Variants in MYO5B observed in about 807,000 individuals in gnomAD.
MYO5B encodes the protein unconventional myosin-Vb.
MYO5B carries 143 observed loss-of-function variants against 229.3 expected under a neutral mutation model. The observed-to-expected ratio is 0.62, with a 90% confidence interval of 0.54 to 0.72. MYO5B has a LOEUF of 0.72. Among genes scored for constraint, MYO5B ranks in the 30% least tolerant of loss-of-function variants. The probability of loss-of-function intolerance (pLI) is 0.00; values close to 1 mark genes in which losing one functional copy is unlikely to be tolerated. For missense variants in MYO5B, 2,321 were observed against 2,331.0 expected, an observed-to-expected ratio of 1.00 and a Z score of 0.09; for synonymous variants, 918 against 885.2, an observed-to-expected ratio of 1.04 and a Z score of -0.66.
chr18:50,099,878 A>G (rs985804496), intron 1 of MYO5B, among the ~76,000 whole-genome samples: 26 of 152,200 alleles, frequency 1.7e-4, no homozygotes, highest in Non-Finnish European at 2.8e-4. Flanking sequence ...CTAAATATAG[A>G]CTACTATTTA....
chr18:50,051,104 G>A (rs555515819), intron 2 of MYO5B, among the ~76,000 whole-genome samples: 120 of 152,320 alleles, frequency 7.9e-4, no homozygotes, highest in African/African-American at 2.8e-3. Flanking sequence ...CAGCTGGATA[G>A]AAACTGAATA....
At chr18:49,942,380 C>CAAAAA (rs753691754) in intron 14 of MYO5B, among the ~76,000 whole-genome samples, 137 of 32,412 alleles carry the variant, frequency 4.2e-3, no homozygotes, top group African/African-American at 7.1e-3. Context: ...TTCTGCACAG[C>CAAAAA]AAAAAAAAAA....
intron 9 of MYO5B, among the ~76,000 whole-genome samples, chr18:49,980,192 G>C (rs1376868263): frequency 1.3e-5 from 2 of 152,162 alleles, no homozygotes; most frequent in African/African-American, 4.8e-5. Flanking sequence ...CAGGGTACTT[G>C]GGAAATCAAC....
chr18:50,158,067 G>A (rs2032709610), intron 1 of MYO5B, among the ~76,000 whole-genome samples: 1 of 152,154 alleles, frequency 6.6e-6, no homozygotes, highest in Non-Finnish European at 1.5e-5. Context: ...ATCTAAGGTG[G>A]AAGTGGGCAC....
rs558001769 is a variant in MYO5B at position 50,037,609 on chromosome 18, G to A, written c.311-615C>T. Among the ~76,000 whole-genome samples the A allele has an allele frequency of 7.2e-5, 11 of 152,288 alleles. No homozygotes were observed. In the South Asian group the frequency reaches 1.5e-3, roughly 20 times the overall value. ...CCTAAGGAAAAATGATGAATTGTGC[G>A]AGGGAAAATGCCAGGCACGGTGGCT... On this transcript the variant is annotated intron_variant, in intron 3 of 39. Coordinates refer to ENST00000285039, the MANE Select transcript of MYO5B (RefSeq NM_001080467.3).
At chr18:50,186,656 G>A (rs982766647) in intron 1 of MYO5B, among the ~76,000 whole-genome samples, 2 of 152,190 alleles carry the variant, frequency 1.3e-5, no homozygotes, top group African/African-American at 4.8e-5. Context: ...ACCCAGCATG[G>A]TGACTGGAGG....
At chr18:50,113,894 T>C (rs906067275) in intron 1 of MYO5B, among the ~76,000 whole-genome samples, 1 of 152,200 alleles carries the variant, frequency 6.6e-6, no homozygotes, top group South Asian at 2.1e-4. Flanking sequence ...GCTACACCAA[T>C]TGAAAAAGAG....
intron 2 of MYO5B, among the ~76,000 whole-genome samples, chr18:50,051,663 C>G (rs1231029647): frequency 6.6e-6 from 1 of 152,202 alleles, no homozygotes; most frequent in East Asian, 1.9e-4. Flanking sequence ...TTGTACCCAT[C>G]ATGGCTCTGG....
chr18:50,139,415 AC>A (rs1220514358), intron 1 of MYO5B, among the ~76,000 whole-genome samples: 1 of 152,194 alleles, frequency 6.6e-6, no homozygotes, highest in Admixed American at 6.5e-5. Flanking sequence ...TCCCAACTTT[AC>A]TTCTGTTCCA....
At chr18:49,998,019 T>C (rs913604627) in intron 5 of MYO5B, among the ~76,000 whole-genome samples, 3 of 152,162 alleles carry the variant, frequency 2.0e-5, no homozygotes, top group Admixed American at 2.0e-4. Context: ...GGCTTCCTGA[T>C]ACAAGGTCCC....
intron 1 of MYO5B, among the ~76,000 whole-genome samples, chr18:50,112,491 G>A (rs57136853): frequency 0.036 from 5,515 of 152,234 alleles, 270 homozygotes; most frequent in East Asian, 0.25. Flanking sequence ...TCCAAAGACG[G>A]CCGCATGGGA....
At chr18:49,947,064 C>T (rs1422971792) in intron 14 of MYO5B, among the ~76,000 whole-genome samples, 1 of 150,558 alleles carries the variant, frequency 6.6e-6, no homozygotes, top group African/African-American at 2.4e-5. Context: ...CAACTATACA[C>T]AAGCCCAGAG....
rs2029943664 is a variant in MYO5B at position 50,039,566 on chromosome 18, C to T, written c.310+577G>A. 2.6e-5 allele frequency among the ~76,000 whole-genome samples: 4 copies of T among 152,146 alleles called. No individual in the cohort carries two copies. The South Asian group carries it at 8.3e-4, about 32-fold the overall frequency. The stretch of plus-strand genomic sequence containing the variant: ...GAGGATGGTCTCAATCTCCTGACCT[C>T]GTGATCCGCCCGCCTCGGCCTCCCA... On this transcript the variant is annotated intron_variant, in intron 3 of 39. Transcript: ENST00000285039.
chr18:50,191,550 TCTAA>T (rs2033226840), intron 1 of MYO5B, among the ~76,000 whole-genome samples: 1 of 152,250 alleles, frequency 6.6e-6, no homozygotes, highest in African/African-American at 2.4e-5. Flanking sequence ...TGTATTCATT[TCTAA>T]CTAAAAATCA....
intron 1 of MYO5B, among the ~76,000 whole-genome samples, chr18:50,074,152 G>A (rs888817814): frequency 7.2e-5 from 11 of 152,134 alleles, no homozygotes; most frequent in Non-Finnish European, 1.2e-4. Context: ...CTTCTTACAT[G>A]GCAGCAGCAA....
At chr18:49,920,676 G>T (rs772685806) in intron 17 of MYO5B, among the ~76,000 whole-genome samples, 1 of 152,198 alleles carries the variant, frequency 6.6e-6, no homozygotes, top group East Asian at 1.9e-4. Context: ...TGGATGTGAC[G>T]AAGTGGCTTG....
intron 1 of MYO5B, among the ~76,000 whole-genome samples, chr18:50,142,220 G>A (rs1158051888): frequency 6.6e-6 from 1 of 152,188 alleles, no homozygotes; most frequent in African/African-American, 2.4e-5. Context: ...TGGGGGTTCT[G>A]GAATTCAGGT....
intron 21 of MYO5B, 103 bp from the exon 22 acceptor site, chr18:49,895,277 C>T: frequency 1.1e-6 from 1 of 940,778 alleles, no homozygotes; most frequent in Non-Finnish European, 1.7e-6. Flanking sequence ...AAGGAACTTC[C>T]AAGGTAGGAT....
intron 1 of MYO5B, among the ~76,000 whole-genome samples, chr18:50,067,975 A>G (rs563686260): frequency 2.0e-5 from 3 of 152,210 alleles, no homozygotes; most frequent in Admixed American, 1.3e-4. Flanking sequence ...CACTACAGAC[A>G]TGTTCTAGAA....
Sources: allele counts gnomAD v4.1 joint callset (sites outside exome capture counted in the v4.1 genomes callset), GRCh38; gene constraint gnomAD v4.1.1; transcripts MANE v1.5; gene names NCBI Gene and HGNC (gene_info 2026-07-23, HGNC 2026-07-21).